The following AMMECR1 variants were observed in gnomAD, a reference collection of about 807,000 sequenced individuals.
AMMECR1 encodes nuclear protein AMMECR1.
Under a neutral mutation model 22.5 loss-of-function variants are expected in AMMECR1, and 3 were observed. That is an observed-to-expected ratio of 0.13 (90% confidence interval 0.06 to 0.35). The LOEUF is 0.35. Ranked by LOEUF, AMMECR1 falls within the 10% of genes least tolerant of loss-of-function variation. The pLI is 1.00. For missense variants in AMMECR1, 235 were observed against 278.7 expected (o/e 0.84, Z 1.12); for synonymous variants, 130 against 116.7 (o/e 1.11, Z -0.74).
intron 2 of AMMECR1, among the ~76,000 whole-genome samples, chrX:110,406,971 A>G (rs1476544554): frequency 9.0e-6 from 1 of 111,416 alleles, no homozygotes; most frequent in Non-Finnish European, 1.9e-5. Context: ...TTTTAATATC[A>G]TCTCTGCACA....
intron 1 of AMMECR1, among the ~76,000 whole-genome samples, chrX:110,313,610 T>C (rs2068034219): frequency 1.8e-5 from 2 of 112,183 alleles, no homozygotes; most frequent in South Asian, 7.4e-4. Context: ...GCTTTACTTA[T>C]TAAAATCAAT....
intron 2 of AMMECR1, among the ~76,000 whole-genome samples, chrX:110,335,940 CAG>C (rs1037060134): frequency 7.2e-5 from 8 of 111,659 alleles, no homozygotes; most frequent in East Asian, 2.8e-4. Flanking sequence ...AAAAGTAAAA[CAG>C]GGTAACTTTA....
intron 1 of AMMECR1, among the ~76,000 whole-genome samples, chrX:110,265,033 C>CT (rs1171682752): frequency 9.0e-6 from 1 of 111,275 alleles, no homozygotes; most frequent in Non-Finnish European, 1.9e-5. Flanking sequence ...ATTTGTAAGT[C>CT]TAATTTGGAA....
intron 2 of AMMECR1, among the ~76,000 whole-genome samples, chrX:110,392,126 A>T (rs2148287200): frequency 8.9e-6 from 1 of 112,299 alleles, no homozygotes; most frequent in Admixed American, 9.5e-5. Context: ...TTGATTTGAC[A>T]TTTAAAATAG....
At chrX:110,343,598 T>G (rs148199190) in intron 2 of AMMECR1, among the ~76,000 whole-genome samples, 5 of 110,772 alleles carry the variant, frequency 4.5e-5, no homozygotes, top group African/African-American at 1.7e-4. Context: ...AAAACCCCAT[T>G]GTCTCAGCCC....
At chrX:110,374,398 C>G (rs776797717) in intron 2 of AMMECR1, among the ~76,000 whole-genome samples, 1 of 111,916 alleles carries the variant, frequency 8.9e-6, no homozygotes, top group Non-Finnish European at 1.9e-5. Context: ...TAGTATTTCT[C>G]TCAATCTGGA....
intron 2 of AMMECR1, among the ~76,000 whole-genome samples, chrX:110,363,280 G>C (rs188122387): frequency 1.8e-5 from 2 of 111,800 alleles, no homozygotes; most frequent in African/African-American, 3.2e-5. Flanking sequence ...TTTGAAAAAT[G>C]GACAGAGGGC....
At chrX:110,417,570 G>T (rs1379588768) in intron 2 of AMMECR1, among the ~76,000 whole-genome samples, 1 of 111,908 alleles carries the variant, frequency 8.9e-6, no homozygotes, top group Non-Finnish European at 1.9e-5. Flanking sequence ...TTTTGTGATG[G>T]AGGTGGGTAA....
intron 1 of AMMECR1, among the ~76,000 whole-genome samples, chrX:110,439,414 C>T (rs2068863399): frequency 8.9e-6 from 1 of 112,169 alleles, no homozygotes; most frequent in Non-Finnish European, 1.9e-5. Flanking sequence ...TCCTTTTTAC[C>T]ATGGAGGAGT....
chrX:110,281,408 T>G (rs2067851787), intron 1 of AMMECR1, among the ~76,000 whole-genome samples: 1 of 112,453 alleles, frequency 8.9e-6, no homozygotes, highest in Non-Finnish European at 1.9e-5. Flanking sequence ...GCTAAATACA[T>G]ATTTTGAAAT....
chrX:110,381,213 T>A (rs1352577146), intron 2 of AMMECR1, among the ~76,000 whole-genome samples: 3 of 111,963 alleles, frequency 2.7e-5, no homozygotes, highest in South Asian at 3.7e-4. Context: ...CCAGCATCTA[T>A]AAGGAACTTA....
intron 3 of AMMECR1, among the ~76,000 whole-genome samples, chrX:110,214,388 A>T (rs1212101158): frequency 8.9e-6 from 1 of 112,230 alleles, no homozygotes. Flanking sequence ...AATCTTCTGG[A>T]AATTCAGGCT....
intron 1 of AMMECR1, among the ~76,000 whole-genome samples, chrX:110,275,375 T>G (rs2067820549): frequency 9.1e-6 from 1 of 110,103 alleles, no homozygotes; most frequent in African/African-American, 3.3e-5. Flanking sequence ...ATTGGCAGTA[T>G]TTTTTTTTCA....
At chrX:110,274,863 TATTA>T (rs975211150) in intron 1 of AMMECR1, among the ~76,000 whole-genome samples, 5 of 111,864 alleles carry the variant, frequency 4.5e-5, no homozygotes, top group African/African-American at 1.6e-4. Flanking sequence ...ATTATTAGCT[TATTA>T]GTTATGCCCT....
chrX:110,361,437 C>T (rs942290924), intron 2 of AMMECR1, among the ~76,000 whole-genome samples: 2 of 111,509 alleles, frequency 1.8e-5, no homozygotes, highest in Admixed American at 1.9e-4. Flanking sequence ...ATTATTCTCT[C>T]ACTGTTTTTT....
chrX:110,373,237 C>T (rs1232725692), intron 2 of AMMECR1, among the ~76,000 whole-genome samples: 1 of 111,849 alleles, frequency 8.9e-6, no homozygotes, highest in Admixed American at 9.5e-5. Context: ...TATTGCTTCT[C>T]TACAAACAGG....
chrX:110,213,154 TC>T (rs2067456115), intron 3 of AMMECR1, among the ~76,000 whole-genome samples: 1 of 112,174 alleles, frequency 8.9e-6, no homozygotes, highest in Non-Finnish European at 1.9e-5. Flanking sequence ...AGTGTACAAT[TC>T]AGTGGTATTA....
chrX:110,298,806 T>C (rs2067950726), intron 1 of AMMECR1, among the ~76,000 whole-genome samples: 1 of 111,696 alleles, frequency 9.0e-6, no homozygotes, highest in Admixed American at 9.5e-5. Flanking sequence ...ATGATATTTA[T>C]GATGCTATCA....
intron 2 of AMMECR1, among the ~76,000 whole-genome samples, chrX:110,223,280 A>C (rs1033801115): frequency 8.9e-6 from 1 of 112,628 alleles, no homozygotes; most frequent in Non-Finnish European, 1.9e-5. Context: ...TGTTTTTAGA[A>C]ATGAACTACT....
Sources: allele counts gnomAD v4.1 joint callset (sites outside exome capture counted in the v4.1 genomes callset), GRCh38; gene constraint gnomAD v4.1.1; transcripts MANE v1.5; gene names NCBI Gene and HGNC (gene_info 2026-07-23, HGNC 2026-07-21).